NEDD4L: variants seen among roughly 807,000 people sequenced by gnomAD.
NEDD4L encodes E3 ubiquitin-protein ligase NEDD4-like.
A neutral mutation model predicts 148.9 loss-of-function variants in NEDD4L; 54 were observed. The ratio of observed to expected loss-of-function variants is 0.36; its 90% CI spans 0.29 to 0.45. The LOEUF is 0.45. Ranked by LOEUF, NEDD4L falls within the 20% of genes least tolerant of loss-of-function variation. The probability of loss-of-function intolerance (pLI) is 1.00; values close to 1 mark genes in which losing one functional copy is unlikely to be tolerated. For synonymous variants in NEDD4L, 433 were observed against 440.7 expected (o/e 0.98, Z 0.22); for missense variants, 856 against 1,233.8 (o/e 0.69, Z 4.59).
intron 24 of NEDD4L, among the ~76,000 whole-genome samples, chr18:58,378,675 C>T (rs1446648448): frequency 1.3e-5 from 2 of 152,152 alleles, no homozygotes; most frequent in African/African-American, 2.4e-5. Context: ...TGACTGCCCC[C>T]GAGGCCGTGC....
At position 58,189,380 on chromosome 18, in the gene NEDD4L, G is replaced by A. The variant is rs529482407; in HGVS notation, c.122+23519G>A. 3.3e-5 allele frequency among the ~76,000 whole-genome samples: 5 copies of A among 152,198 alleles called. No homozygotes were observed. In the South Asian group the frequency reaches 1.0e-3, roughly 32 times the overall value. On this transcript the variant is annotated intron_variant, in intron 2 of 30. Coordinates refer to ENST00000400345, the MANE Select transcript of NEDD4L (RefSeq NM_001144967.3). Reference sequence around the variant, plus strand: ...CCCCAGGAGTTGAAATAATACACCTGGAGGAAGAAAATAACTTACAAACAA... The same window carrying A: ...CCCCAGGAGTTGAAATAATACACCTAGAGGAAGAAAATAACTTACAAACAA...
At chr18:58,383,998 G>A (rs1320249366) in intron 25 of NEDD4L, among the ~76,000 whole-genome samples, 1 of 152,106 alleles carries the variant, frequency 6.6e-6, no homozygotes, top group Non-Finnish European at 1.5e-5. Flanking sequence ...CTGGTGCAGG[G>A]GTGAGGTGAG....
chr18:58,387,410 G>A (rs777449480), intron 26 of NEDD4L, 29 bp from the exon 27 acceptor site: 7 of 1,500,152 alleles, frequency 4.7e-6, no homozygotes, highest in Non-Finnish European at 5.3e-6. Context: ...GGCAATAGGT[G>A]TTTAAGATGT....
At chr18:58,050,727 C>A (rs1306497464) in intron 1 of NEDD4L, among the ~76,000 whole-genome samples, 2 of 152,122 alleles carry the variant, frequency 1.3e-5, no homozygotes, top group East Asian at 1.9e-4. Context: ...GGCCATTGTG[C>A]TCCAGCCTGG....
chr18:58,099,186 C>CT lies in NEDD4L; in HGVS notation c.48+54488dup, dbSNP rs1011982856. Among the ~76,000 whole-genome samples, 106 of 147,668 alleles carry CT rather than the reference C, an allele frequency of 7.2e-4. 1 individual carries two copies. The highest frequency in any genetic ancestry group is 9.6e-4 in the Non-Finnish European group (64 of 66,604). Reference sequence around the variant, plus strand: ...TTTGACTTCCTTATACCCCAGTGTCCTTTTTTTTTTGGAGACAAGTTTTTT... The same window carrying CT: ...TTTGACTTCCTTATACCCCAGTGTCCTTTTTTTTTTTGGAGACAAGTTTTTT... On this transcript the variant is annotated intron_variant, in intron 1 of 30. Coordinates refer to ENST00000400345, the MANE Select transcript of NEDD4L (RefSeq NM_001144967.3).
At chr18:58,154,645 G>C (rs1023944437) in intron 1 of NEDD4L, among the ~76,000 whole-genome samples, 1 of 152,146 alleles carries the variant, frequency 6.6e-6, no homozygotes, top group Non-Finnish European at 1.5e-5. Flanking sequence ...AAATTAGCCA[G>C]ACGTGATGGC....
intron 2 of NEDD4L, among the ~76,000 whole-genome samples, chr18:58,230,111 A>G (rs2148109255): frequency 6.6e-6 from 1 of 152,300 alleles, no homozygotes; most frequent in East Asian, 1.9e-4. Context: ...CAAAAATTAT[A>G]ATGGTGCATA....
At position 58,383,261 on chromosome 18, in the gene NEDD4L, T is replaced by A; in HGVS notation, c.2368T>A (p.Leu790Met). 6.5e-7 allele frequency: 1 copy of A among 1,534,932 alleles called. No homozygotes were observed. Among genetic ancestry groups the A allele is most frequent in the Non-Finnish European group, 8.8e-7 (1 of 1,130,930 alleles). ...GTAATTACAGACATATCAAGTGGATTTGAAGCCCAATGGGTCAGAAATAAT... is the reference window on the plus strand; with the variant it reads ...GTAATTACAGACATATCAAGTGGATATGAAGCCCAATGGGTCAGAAATAAT... ...ENFGQTYQVD[L>M]KPNGSEIMVT... is the part of the protein sequence containing the mutation. Residue 790 changes from leucine to methionine, a missense_variant, in exon 25 of 31, where the codon TTG becomes ATG. Leu to Met is a conservative substitution (Grantham distance 15, BLOSUM62 2). This residue lies in a region of NEDD4L where 286 missense variants were observed against 531.8 expected (regional missense o/e 0.54). Coordinates refer to ENST00000400345, the MANE Select transcript of NEDD4L (RefSeq NM_001144967.3).
chr18:58,363,204 T>C (rs1051339013), intron 19 of NEDD4L, among the ~76,000 whole-genome samples: 19 of 152,234 alleles, frequency 1.2e-4, no homozygotes, highest in African/African-American at 4.3e-4. Flanking sequence ...GTCTTAAAAC[T>C]ATAAAAGAGG....
At chr18:58,066,281 G>A (rs1188414983) in intron 1 of NEDD4L, among the ~76,000 whole-genome samples, 1 of 151,590 alleles carries the variant, frequency 6.6e-6, no homozygotes, top group East Asian at 1.9e-4. Context: ...TAGGCACAAG[G>A]AAATTAAATA....
At chr18:58,058,012 A>G (rs1266130146) in intron 1 of NEDD4L, among the ~76,000 whole-genome samples, 3 of 152,174 alleles carry the variant, frequency 2.0e-5, no homozygotes, top group African/African-American at 7.2e-5. Context: ...GCAATTTTTA[A>G]AAAATGGTGG....
chr18:58,360,122 A>C (rs968637639), intron 19 of NEDD4L: 1 of 152,038 alleles, frequency 6.6e-6, no homozygotes, highest in African/African-American at 2.4e-5. Flanking sequence ...AGTGATTTTG[A>C]ATTTTTATTT....
rs915866984 is a variant in NEDD4L at position 58,195,565 on chromosome 18, A to G, written c.122+29704A>G. 3.7e-6 allele frequency: 5 copies of G among 1,339,542 alleles called. No individual in the cohort carries two copies. In the Admixed American group the frequency reaches 7.9e-5, roughly 21 times the overall value. The allele number at this position is 1,339,542 out of a possible 1,614,324, so 83.0% of individuals were successfully genotyped here. A position where few individuals can be genotyped will look rare whatever the true frequency, so the allele number is the denominator to read the frequency against. ...AGCCCTGTCCACGCGGTGCCTCCCC[A>G]GCACGGCACCTCCCACTCCAGGCTG... On this transcript the variant is annotated intron_variant, in intron 2 of 30. Coordinates refer to ENST00000400345, the MANE Select transcript of NEDD4L (RefSeq NM_001144967.3).
intron 5 of NEDD4L, among the ~76,000 whole-genome samples, chr18:58,283,857 A>G (rs1280510795): frequency 6.6e-6 from 1 of 152,230 alleles, no homozygotes; most frequent in Non-Finnish European, 1.5e-5. Flanking sequence ...TCAAGTTAAG[A>G]TGAGGCCATG....
chr18:58,094,683 C>A (rs2084277065), intron 1 of NEDD4L, among the ~76,000 whole-genome samples: 3 of 152,140 alleles, frequency 2.0e-5, no homozygotes, highest in African/African-American at 7.2e-5. Context: ...GGACTCCACC[C>A]CTGCTGTGTA....
At chr18:58,258,727 T>G (rs2048938892) in intron 5 of NEDD4L, among the ~76,000 whole-genome samples, 1 of 152,208 alleles carries the variant, frequency 6.6e-6, no homozygotes, top group Admixed American at 6.5e-5. Context: ...TAGTACGTGG[T>G]TAGTAAGCTG....
intron 13 of NEDD4L, among the ~76,000 whole-genome samples, chr18:58,337,295 T>C (rs1332855294): frequency 6.6e-6 from 1 of 152,242 alleles, no homozygotes; most frequent in African/African-American, 2.4e-5. Context: ...CCTACCTACT[T>C]AGGTTTGAAA....
intron 1 of NEDD4L, among the ~76,000 whole-genome samples, chr18:58,162,352 C>A (rs941251889): frequency 6.6e-6 from 1 of 152,074 alleles, no homozygotes; most frequent in East Asian, 1.9e-4. Flanking sequence ...CACCAGCTTC[C>A]CCCCATCAAA....
At chr18:58,205,728 T>C (rs1270851328) in intron 2 of NEDD4L, among the ~76,000 whole-genome samples, 3 of 151,878 alleles carry the variant, frequency 2.0e-5, no homozygotes, top group Non-Finnish European at 2.9e-5. Flanking sequence ...AATAGCATTA[T>C]TGTTTAAAAA....
Sources: allele counts gnomAD v4.1 joint callset (sites outside exome capture counted in the v4.1 genomes callset), GRCh38; gene constraint gnomAD v4.1.1; regional missense constraint gnomAD v4.1.1; transcripts MANE v1.5; gene names NCBI Gene and HGNC (gene_info 2026-07-23, HGNC 2026-07-21).